Variants in ZNF385B observed in about 807,000 individuals in gnomAD.
The protein encoded by ZNF385B is zinc finger protein 385B.
ZNF385B carries 23 observed loss-of-function variants against 39.2 expected under a neutral mutation model. The observed-to-expected ratio is 0.59, with a 90% confidence interval of 0.42 to 0.83. The LOEUF is 0.83. ZNF385B is among the 40% of genes least tolerant of loss of function. The pLI, the probability that ZNF385B is intolerant of heterozygous loss-of-function variation, is 0.00. For synonymous variants in ZNF385B, 205 were observed against 222.6 expected, an observed-to-expected ratio of 0.92 and a Z score of 0.70; for missense variants, 552 against 598.9, an observed-to-expected ratio of 0.92 and a Z score of 0.82.
chr2:179,469,417 A>C (rs1281283460), intron 6 of ZNF385B, among the ~76,000 whole-genome samples: 1 of 152,196 alleles, frequency 6.6e-6, no homozygotes, highest in Admixed American at 6.5e-5. Flanking sequence ...AGCTTGTTCT[A>C]TGGACTTGCC....
At chr2:179,707,880 G>A (rs1699732796) in intron 3 of ZNF385B, among the ~76,000 whole-genome samples, 1 of 152,196 alleles carries the variant, frequency 6.6e-6, no homozygotes, top group South Asian at 2.1e-4. Context: ...TGGGGCAGAA[G>A]CTCAAGCCAG....
intron 6 of ZNF385B, among the ~76,000 whole-genome samples, chr2:179,460,966 G>A (rs961650741): frequency 6.6e-6 from 1 of 152,132 alleles, no homozygotes; most frequent in Non-Finnish European, 1.5e-5. Context: ...GGTTTTATCT[G>A]TGCAGCAAGC....
intron 6 of ZNF385B, among the ~76,000 whole-genome samples, chr2:179,479,537 G>A (rs1015030614): frequency 2.2e-4 from 34 of 152,066 alleles, no homozygotes; most frequent in East Asian, 1.9e-4. Context: ...GTGTGCTCTC[G>A]AGGAGCAGAA....
intron 3 of ZNF385B, among the ~76,000 whole-genome samples, chr2:179,578,058 C>T (rs958541116): frequency 6.6e-6 from 1 of 152,084 alleles, no homozygotes; most frequent in Non-Finnish European, 1.5e-5. Context: ...TGACAGTACT[C>T]TGAACGTGGG....
chr2:179,542,778 T>A (rs2059999458), intron 4 of ZNF385B, among the ~76,000 whole-genome samples: 2 of 152,128 alleles, frequency 1.3e-5, no homozygotes, highest in Non-Finnish European at 2.9e-5. Context: ...TGTGACTGGG[T>A]ACCTTTTAGG....
intron 3 of ZNF385B, among the ~76,000 whole-genome samples, chr2:179,545,229 T>A (rs1319644316): frequency 6.6e-6 from 1 of 152,142 alleles, no homozygotes; most frequent in Non-Finnish European, 1.5e-5. Context: ...AGTAGACAGA[T>A]CCTACTGGCA....
chr2:179,446,812 C>A, intron 6 of ZNF385B, 42 bp from the exon 7 acceptor site: 5 of 1,539,684 alleles, frequency 3.2e-6, no homozygotes, highest in South Asian at 2.6e-5. Context: ...CCTCATATAT[C>A]ATATAAACAA....
intron 6 of ZNF385B, among the ~76,000 whole-genome samples, chr2:179,449,465 A>G (rs1293940965): frequency 1.3e-5 from 2 of 151,820 alleles, no homozygotes; most frequent in African/African-American, 2.4e-5. Flanking sequence ...TAACAGACAA[A>G]CAGAGAGCCA....
At chr2:179,830,857 C>T (rs1403961814) in intron 1 of ZNF385B, among the ~76,000 whole-genome samples, 2 of 151,928 alleles carry the variant, frequency 1.3e-5, no homozygotes, top group African/African-American at 4.8e-5. Context: ...CAAACAAGGG[C>T]CTTTAGTTAA....
chr2:179,509,003 G>C (rs1159612126), intron 5 of ZNF385B, among the ~76,000 whole-genome samples: 1 of 149,330 alleles, frequency 6.7e-6, no homozygotes, highest in African/African-American at 2.5e-5. Context: ...CTGGAGTGTA[G>C]TGGTGTGATC....
chr2:179,668,979 A>G (rs959215562), intron 3 of ZNF385B, among the ~76,000 whole-genome samples: 2 of 152,348 alleles, frequency 1.3e-5, no homozygotes, highest in African/African-American at 2.4e-5. Context: ...AGTAAAAAGA[A>G]TATCAAGGTA....
chr2:179,808,936 C>T (rs1222157257), intron 1 of ZNF385B, among the ~76,000 whole-genome samples: 1 of 152,162 alleles, frequency 6.6e-6, no homozygotes, highest in Non-Finnish European at 1.5e-5. Flanking sequence ...TGCCATAGGA[C>T]AGACAGATAA....
At chr2:179,762,018 T>C (rs1004987254) in intron 3 of ZNF385B, among the ~76,000 whole-genome samples, 1 of 152,122 alleles carries the variant, frequency 6.6e-6, no homozygotes, top group African/African-American at 2.4e-5. Flanking sequence ...CACCATTAAG[T>C]ATGATGTTAC....
chr2:179,574,097 G>C (rs1559501807), intron 3 of ZNF385B, among the ~76,000 whole-genome samples: 1 of 152,036 alleles, frequency 6.6e-6, no homozygotes, highest in Non-Finnish European at 1.5e-5. Flanking sequence ...TACTCATGAG[G>C]AACGGGCAAA....
At chr2:179,558,582 C>T (rs1489150047) in intron 3 of ZNF385B, among the ~76,000 whole-genome samples, 1 of 152,078 alleles carries the variant, frequency 6.6e-6, no homozygotes, top group Non-Finnish European at 1.5e-5. Flanking sequence ...AGTAGGTGCC[C>T]ATGTTAAAAA....
At chr2:179,815,703 T>G (rs1707021560) in intron 1 of ZNF385B, among the ~76,000 whole-genome samples, 3 of 152,172 alleles carry the variant, frequency 2.0e-5, no homozygotes, top group Non-Finnish European at 4.4e-5. Flanking sequence ...GCCCCCGACA[T>G]TTGCAAATTC....
chr2:179,735,289 C>T (rs1053652108), intron 3 of ZNF385B, among the ~76,000 whole-genome samples: 39 of 149,246 alleles, frequency 2.6e-4, no homozygotes, highest in Middle Eastern at 3.5e-3. Context: ...AATTGCTCAT[C>T]ATCACTGGCC....
intron 3 of ZNF385B, among the ~76,000 whole-genome samples, chr2:179,720,041 T>C (rs1700581422): frequency 6.6e-6 from 1 of 152,162 alleles, no homozygotes; most frequent in African/African-American, 2.4e-5. Context: ...GTTTTCACAG[T>C]AAACAGTATT....
At chr2:179,852,726 A>C (rs984571534) in intron 1 of ZNF385B, among the ~76,000 whole-genome samples, 5 of 152,294 alleles carry the variant, frequency 3.3e-5, no homozygotes, top group Admixed American at 6.5e-5. Context: ...GTGTTCTCCA[A>C]GTGTGGTCTG....
Sources: gnomAD v4.1 joint callset for allele counts (sites outside exome capture counted in the v4.1 genomes callset) on GRCh38, gnomAD v4.1.1 for gene constraint, MANE v1.5 for transcripts, NCBI Gene and HGNC (gene_info 2026-07-23, HGNC 2026-07-21) for gene names.